SH2D3C: variants seen among roughly 807,000 people sequenced by gnomAD.
The protein encoded by SH2D3C is SH2 domain containing 3C.
Under a neutral mutation model 75.2 loss-of-function variants are expected in SH2D3C, and 25 were observed. The ratio of observed to expected loss-of-function variants is 0.33; its 90% CI spans 0.24 to 0.46. The LOEUF is 0.46. Among genes scored for constraint, SH2D3C ranks in the 20% least tolerant of loss-of-function variants. The pLI is 1.00. For missense variants in SH2D3C, 933 were observed against 1,165.3 expected (o/e 0.80, Z 2.90); for synonymous variants, 450 against 473.7 (o/e 0.95, Z 0.65).
intron 1 of SH2D3C, among the ~76,000 whole-genome samples, chr9:127,778,067 T>C (rs1829059954): frequency 6.6e-6 from 1 of 152,142 alleles, no homozygotes; most frequent in African/African-American, 2.4e-5. Flanking sequence ...TGCTCACTGC[T>C]ATCTCCACCT....
chr9:127,757,627 G>GATT (rs1491500374), intron 3 of SH2D3C, among the ~76,000 whole-genome samples: 109 of 106,828 alleles, frequency 1.0e-3, no homozygotes, highest in Middle Eastern at 4.9e-3. Flanking sequence ...TGATGATGAT[G>GATT]ATGATGATGA....
Position 127,774,283 on chromosome 9 carries a change from G to A in SH2D3C, c.222C>T (p.Tyr74=). ...PPAYARSSDM[Y]SHMGTMPRPS... The stretch of plus-strand genomic sequence containing the variant: ...GGCGAGGCATGGTGCCCATGTGGCT[G>A]TACATGTCACTGGAGCGGGCATAGG... The change falls in exon 2 of 12, where the codon TAC becomes TAT. Residue 74 remains tyrosine, a synonymous_variant. Coordinates refer to ENST00000314830, the MANE Select transcript of SH2D3C (RefSeq NM_170600.3). This position sits in a 1 kb window ranked among gnomAD's most constrained non-coding sequence, Gnocchi z 4.3. The A allele has an allele frequency of 6.2e-7, 1 of 1,614,106 alleles. No individual in the cohort carries two copies. Among genetic ancestry groups the A allele is most frequent in the Non-Finnish European group, 8.5e-7 (1 of 1,180,016 alleles).
In SH2D3C at chr9:127,762,157, C is replaced by G. The variant is rs1033008559; in HGVS notation, c.516-507G>C. On this transcript the variant is annotated intron_variant, in intron 2 of 11. Coordinates refer to ENST00000314830, the MANE Select transcript of SH2D3C (RefSeq NM_170600.3). ...TTCCTAGGGTAGAGTGACCCAGTCA[C>G]GGCCACTGCCCAGCTGACTGCGGAG... is the stretch of plus-strand genomic sequence containing the variant. The G allele has an allele frequency of 5.1e-6, 6 of 1,170,380 alleles. No individual in the cohort carries two copies. In the African/African-American group the frequency reaches 9.7e-5, roughly 19 times the overall value. The allele number at this position is 1,170,380 out of a possible 1,614,324, so 72.5% of individuals were successfully genotyped here. A position where few individuals can be genotyped will look rare whatever the true frequency, so the allele number is the denominator to read the frequency against.
chr9:127,759,223 T>A (rs188343739), intron 3 of SH2D3C, among the ~76,000 whole-genome samples: 77 of 152,324 alleles, frequency 5.1e-4, no homozygotes, highest in East Asian at 1.4e-3. Context: ...GCTTTTTTTT[T>A]AATCTCTTTT....
chr9:127,740,317 C>T lies in SH2D3C; in HGVS notation c.2141G>A (p.Gly714Asp). The T allele has an allele frequency of 1.9e-6, 3 of 1,614,166 alleles. No individual in the cohort carries two copies. The highest frequency in any genetic ancestry group is 2.5e-6 in the Non-Finnish European group (3 of 1,180,030). The change falls in exon 10 of 12, where the codon GGT becomes GAT. Residue 714 changes from glycine (G) to aspartate (D), a missense_variant. Gly to Asp is a moderately conservative substitution (Grantham distance 94, BLOSUM62 -1). Coordinates refer to ENST00000314830, the MANE Select transcript of SH2D3C (RefSeq NM_170600.3). ...WVTLRQRHTE[G>D]AILYEKKLKP... Reference sequence around the variant, plus strand: ...GAGCTTCTTCTCGTACAGGATGGCACCCTCTGTGTGTCGCTGCCGCAGGGT... The same window carrying T: ...GAGCTTCTTCTCGTACAGGATGGCATCCTCTGTGTGTCGCTGCCGCAGGGT...
intron 7 of SH2D3C, among the ~76,000 whole-genome samples, chr9:127,743,710 T>A (rs1844935252): frequency 6.6e-6 from 1 of 152,164 alleles, no homozygotes; most frequent in African/African-American, 2.4e-5. Flanking sequence ...CTTCCCGCGC[T>A]CTGAGACCAG....
Position 127,754,787 on chromosome 9 carries a change from T to TC in SH2D3C, c.556-3488dup, listed in dbSNP as rs769746463. 3 of 476,260 alleles carry TC rather than the reference T, an allele frequency of 6.3e-6. No individual in the cohort carries two copies. Among genetic ancestry groups the TC allele is most frequent in the South Asian group, 3.1e-5 (2 of 64,352 alleles). 29.5% of individuals were successfully genotyped at this position (476,260 alleles called of 1,614,324 possible). The stretch of plus-strand genomic sequence containing the variant: ...GGACGCCGGAGACCCCATCTCCCAG[T>TC]CCCCCCTGCCCCAGCTCTCTCCCTC... On this transcript the variant is annotated intron_variant, in intron 3 of 11. Coordinates refer to ENST00000314830, the MANE Select transcript of SH2D3C (RefSeq NM_170600.3). This position sits in a 1 kb window ranked among gnomAD's most constrained non-coding sequence, Gnocchi z 4.4.
intron 3 of SH2D3C, among the ~76,000 whole-genome samples, chr9:127,759,726 G>C (rs1845480546): frequency 1.3e-5 from 2 of 151,890 alleles, no homozygotes; most frequent in African/African-American, 4.8e-5. Flanking sequence ...GCTCACGCCT[G>C]TAATCCCAGC....
At chr9:127,741,656 T>C in intron 9 of SH2D3C, 132 bp downstream of exon 9, 1 of 1,123,592 alleles carries the variant, frequency 8.9e-7, no homozygotes. Context: ...AACTCAGTTC[T>C]CCCGGGTAGT....
chr9:127,755,485 G>T (rs1845355452), intron 3 of SH2D3C, among the ~76,000 whole-genome samples: 1 of 152,222 alleles, frequency 6.6e-6, no homozygotes, highest in Admixed American at 6.5e-5. Context: ...TATTACCGGG[G>T]GCAGCGGGAT....
chr9:127,740,317 C>G lies in SH2D3C; in HGVS notation c.2141G>C (p.Gly714Ala), dbSNP rs764884922. Residue 714 changes from glycine (G) to alanine (A), a missense_variant, in exon 10 of 12, where the codon GGT (glycine) becomes GCT (alanine). Transcript: ENST00000314830. ...GAGCTTCTTCTCGTACAGGATGGCACCCTCTGTGTGTCGCTGCCGCAGGGT... is the reference window on the plus strand; with the variant it reads ...GAGCTTCTTCTCGTACAGGATGGCAGCCTCTGTGTGTCGCTGCCGCAGGGT... The part of the protein sequence containing the change: ...WVTLRQRHTE[G>A]AILYEKKLKP... 2.5e-6 allele frequency: 4 copies of G among 1,614,166 alleles called. No individual in the cohort carries two copies. Among genetic ancestry groups the G allele is most frequent in the Admixed American group, 1.7e-5 (1 of 60,034 alleles).
chr9:127,742,789 A>C (rs1053708305), intron 8 of SH2D3C, 60 bp downstream of exon 8: 25 of 1,355,272 alleles, frequency 1.8e-5, no homozygotes, highest in Admixed American at 1.2e-4. Context: ...CGCCCCGTCC[A>C]GCGGGGAGTG....
In SH2D3C at chr9:127,739,659, C is replaced by G. The variant is rs762970812; in HGVS notation, c.2407+23G>C. 5.0e-6 allele frequency: 8 copies of G among 1,587,120 alleles called. No homozygotes were observed. Among genetic ancestry groups the G allele is most frequent in the South Asian group, 1.1e-5 (1 of 88,824 alleles). The stretch of plus-strand genomic sequence containing the variant: ...AGGGAGGCCCAGGCCTGCAAGCCCC[C>G]CAAGATGCCACCCGCCACTCACCCT... On this transcript the variant is annotated intron_variant, in intron 11 of 11. Coordinates refer to ENST00000314830, the MANE Select transcript of SH2D3C (RefSeq NM_170600.3). The surrounding 1 kb of genome is among the most constrained non-coding windows in gnomAD (Gnocchi z 4.3).
In SH2D3C at chr9:127,744,749, C is replaced by T; in HGVS notation, c.1615G>A (p.Gly539Ser). Residue 539 changes from glycine to serine, a missense_variant, in exon 7 of 12, where the codon GGC becomes AGC. Transcript: ENST00000314830. ...ACGATGGGGACTGTGAAGGTCTTGC[C>T]CCAGTCCCCTTCAGGGGCCCCATTT... ...SENGAPEGDWGKTFTVPIVEV... is the reference protein window; with the variant it reads ...SENGAPEGDWSKTFTVPIVEV... The T allele has an allele frequency of 1.2e-6, 2 of 1,614,192 alleles. No individual in the cohort carries two copies. The highest frequency in any genetic ancestry group is 1.7e-6 in the Non-Finnish European group (2 of 1,180,034).
rs932351487 is a variant in SH2D3C at position 127,762,253 on chromosome 9, C to T, written c.516-603G>A. The T allele has an allele frequency of 4.9e-6, 6 of 1,232,214 alleles. No individual in the cohort carries two copies. The African/African-American group carries it at 6.3e-5, about 13-fold the overall frequency. 76.3% of individuals were successfully genotyped at this position (1,232,214 alleles called of 1,614,324 possible). On this transcript the variant is annotated intron_variant, in intron 2 of 11. Transcript: ENST00000314830. The stretch of plus-strand genomic sequence containing the variant: ...GTGGAGAGCCTGGAGAGGCCAGAGG[C>T]CAGAGACGGCTGTTTTTCCTTCCTT...
At chr9:127,770,236 T>G (rs1179232185) in intron 2 of SH2D3C, among the ~76,000 whole-genome samples, 1 of 152,124 alleles carries the variant, frequency 6.6e-6, no homozygotes, top group Non-Finnish European at 1.5e-5. Context: ...AGGAAACCCC[T>G]GCAGCCTCAC....
chr9:127,776,370 G>A (rs1433936335), intron 1 of SH2D3C, among the ~76,000 whole-genome samples: 1 of 152,010 alleles, frequency 6.6e-6, no homozygotes, highest in African/African-American at 2.4e-5. Context: ...CCTGGGGTGG[G>A]GGTGGAATGA....
intron 2 of SH2D3C, chr9:127,766,952 A>T: frequency 2.0e-6 from 3 of 1,536,060 alleles, no homozygotes; most frequent in Non-Finnish European, 1.7e-6. Flanking sequence ...CTCAGTCCTT[A>T]AAGGCCCTGG....
rs762893028 is a variant in SH2D3C, at chr9:127,744,552, G to A, written c.1800+12C>T. 6.3e-7 allele frequency: 1 copy of A among 1,596,442 alleles called. No individual in the cohort carries two copies. Among genetic ancestry groups the A allele is most frequent in the Non-Finnish European group, 8.6e-7 (1 of 1,168,372 alleles). On this transcript the variant is annotated intron_variant, in intron 7 of 11. Coordinates refer to ENST00000314830, the MANE Select transcript of SH2D3C (RefSeq NM_170600.3). ...GATGCTCCCTCCACCCCAGTGCACAGCCAGCACCTACCAGGCAGTCCACCT... is the reference window on the plus strand; with the variant it reads ...GATGCTCCCTCCACCCCAGTGCACAACCAGCACCTACCAGGCAGTCCACCT...
Sources: allele counts gnomAD v4.1 joint callset (sites outside exome capture counted in the v4.1 genomes callset), GRCh38; gene constraint gnomAD v4.1.1; non-coding constraint Gnocchi (gnomAD v3.1); transcripts MANE v1.5; gene names NCBI Gene and HGNC (gene_info 2026-07-23, HGNC 2026-07-21).